GRIP1: variants seen among roughly 807,000 people sequenced by gnomAD.
GRIP1 encodes glutamate receptor interacting protein 1.
GRIP1 carries 45 observed loss-of-function variants against 129.9 expected under a neutral mutation model. The observed-to-expected ratio is 0.35, with a 90% CI of 0.27 to 0.44. The LOEUF is 0.44. Ranked by LOEUF, GRIP1 falls within the 20% of genes least tolerant of loss-of-function variation. The pLI is 1.00. For synonymous variants in GRIP1, 530 were observed against 520.8 expected (o/e 1.02, Z -0.24); for missense variants, 1,196 against 1,396.8 (o/e 0.86, Z 2.29).
intron 1 of GRIP1, among the ~76,000 whole-genome samples, chr12:66,718,155 G>A (rs190855069): frequency 3.9e-5 from 6 of 152,122 alleles, no homozygotes; most frequent in East Asian, 1.9e-4. Flanking sequence ...ACTCCTCCCC[G>A]GCTGCAATGA....
chr12:66,768,325 A>G (rs183660006), intron 1 of GRIP1, among the ~76,000 whole-genome samples: 27 of 152,354 alleles, frequency 1.8e-4, no homozygotes, highest in South Asian at 1.5e-3. Flanking sequence ...CCCAAGTTAT[A>G]TAATTGTGGA....
intron 1 of GRIP1, among the ~76,000 whole-genome samples, chr12:67,068,336 AAAGAAAATAGACAGTAATT>A (rs1301807654): frequency 1.3e-5 from 2 of 152,206 alleles, no homozygotes; most frequent in Non-Finnish European, 2.9e-5. Context: ...CGCCTTTTGC[AAAGAAAATAGACAGTAATT>A]AAGAAAAGCC....
At chr12:66,357,245 G>A (rs1268245909) in intron 23 of GRIP1, among the ~76,000 whole-genome samples, 5 of 151,750 alleles carry the variant, frequency 3.3e-5, no homozygotes, top group Admixed American at 3.3e-4. Flanking sequence ...CTACCTCTGT[G>A]TTAAGTCTGT....
intron 1 of GRIP1, among the ~76,000 whole-genome samples, chr12:66,751,860 C>T (rs1160912975): frequency 6.6e-6 from 1 of 152,140 alleles, no homozygotes; most frequent in Non-Finnish European, 1.5e-5. Flanking sequence ...GTGTCACAAG[C>T]TAATGTCTAC....
At chr12:66,548,812 C>CACTATATATG (rs2062030908) in intron 2 of GRIP1, among the ~76,000 whole-genome samples, 1 of 152,082 alleles carries the variant, frequency 6.6e-6, no homozygotes, top group Non-Finnish European at 1.5e-5. Flanking sequence ...GGGGCAGGCA[C>CACTATATATG]ACTATATAAT....
At chr12:66,533,088 T>C (rs1299734928) in intron 4 of GRIP1, among the ~76,000 whole-genome samples, 1 of 152,202 alleles carries the variant, frequency 6.6e-6, no homozygotes. Context: ...CTTATGATAA[T>C]TTTAGGTGTT....
At chr12:66,565,423 T>G (rs191311429) in intron 2 of GRIP1, among the ~76,000 whole-genome samples, 1 of 152,082 alleles carries the variant, frequency 6.6e-6, no homozygotes, top group Admixed American at 6.6e-5. Flanking sequence ...TGTCAAAGAT[T>G]AGATGATTGT....
chr12:66,348,718 T>C lies in GRIP1; in HGVS notation c.*301A>G, dbSNP rs2054088712. ...CTCTTTTTAAAAAGTGATAGTAAGA[T>C]GAACTTGTAAAAAATTTCCTCTGAT... On this transcript the variant is annotated 3_prime_UTR_variant, in exon 25 of 25. Coordinates refer to ENST00000359742, the MANE Select transcript of GRIP1 (RefSeq NM_001366722.1). 1.1e-5 allele frequency: 4 copies of C among 370,832 alleles called. No homozygotes were observed. Among genetic ancestry groups the C allele is most frequent in the Admixed American group, 4.1e-5 (1 of 24,440 alleles). 23.0% of individuals were successfully genotyped at this position (370,832 alleles called of 1,614,324 possible).
chr12:66,481,162 C>T (rs2059792189), intron 7 of GRIP1, among the ~76,000 whole-genome samples: 1 of 151,018 alleles, frequency 6.6e-6, no homozygotes, highest in African/African-American at 2.4e-5. Flanking sequence ...GAAGAGGCAA[C>T]CTACAGAATG....
At chr12:66,996,623 G>C (rs1566111194) in intron 1 of GRIP1, among the ~76,000 whole-genome samples, 1 of 152,160 alleles carries the variant, frequency 6.6e-6, no homozygotes, top group African/African-American at 2.4e-5. Context: ...AACCACAGGG[G>C]TAAAAATGGC....
At chr12:66,744,263 T>C (rs1043464904) in intron 1 of GRIP1, among the ~76,000 whole-genome samples, 1 of 152,186 alleles carries the variant, frequency 6.6e-6, no homozygotes, top group Admixed American at 6.5e-5. Context: ...TACATTTATC[T>C]TCTATTCCTG....
intron 19 of GRIP1, among the ~76,000 whole-genome samples, chr12:66,385,272 A>T (rs2056303851): frequency 6.6e-6 from 1 of 152,194 alleles, no homozygotes; most frequent in Non-Finnish European, 1.5e-5. Flanking sequence ...ACGGTAGCTC[A>T]TGCCTGCAAT....
chr12:66,948,717 G>A (rs1479647461), intron 1 of GRIP1, among the ~76,000 whole-genome samples: 1 of 152,112 alleles, frequency 6.6e-6, no homozygotes, highest in Non-Finnish European at 1.5e-5. Context: ...TTTGAACTGG[G>A]TTCCAAAGGA....
intron 1 of GRIP1, among the ~76,000 whole-genome samples, chr12:66,692,099 C>T (rs2035002749): frequency 1.3e-5 from 2 of 152,180 alleles, no homozygotes. Context: ...CATTATCAAT[C>T]TCTCAGCAGG....
chr12:67,005,263 G>C (rs887931580), intron 1 of GRIP1, among the ~76,000 whole-genome samples: 3 of 152,092 alleles, frequency 2.0e-5, no homozygotes, highest in Admixed American at 6.6e-5. Flanking sequence ...TTCTTCCATA[G>C]CTAATCTAAA....
chr12:66,846,699 A>G (rs1234354219), intron 1 of GRIP1, among the ~76,000 whole-genome samples: 2 of 152,220 alleles, frequency 1.3e-5, no homozygotes, highest in Non-Finnish European at 2.9e-5. Context: ...GACTTTGTGT[A>G]TCAATTCTAC....
At chr12:66,620,439 C>A (rs2065217802) in intron 1 of GRIP1, among the ~76,000 whole-genome samples, 1 of 152,076 alleles carries the variant, frequency 6.6e-6, no homozygotes, top group South Asian at 2.1e-4. Flanking sequence ...ATTGATTTTC[C>A]TTTGATTCAC....
At chr12:66,900,198 T>C (rs1186169954) in intron 1 of GRIP1, among the ~76,000 whole-genome samples, 1 of 152,190 alleles carries the variant, frequency 6.6e-6, no homozygotes, top group Non-Finnish European at 1.5e-5. Context: ...CTGTATATAA[T>C]AGAAACTCCC....
At chr12:67,046,866 C>T (rs17780957) in intron 1 of GRIP1, among the ~76,000 whole-genome samples, 3,649 of 152,050 alleles carry the variant, frequency 0.024, 57 homozygotes, top group Middle Eastern at 0.052. Flanking sequence ...AAGAGGAAAA[C>T]GGAAAAAAGC....
Sources: allele counts gnomAD v4.1 joint callset (sites outside exome capture counted in the v4.1 genomes callset), GRCh38; gene constraint gnomAD v4.1.1; transcripts MANE v1.5; gene names NCBI Gene and HGNC (gene_info 2026-07-23, HGNC 2026-07-21).